The following GNAO1 variants were observed in gnomAD, a reference collection of about 807,000 sequenced individuals.
GNAO1 encodes G protein subunit alpha o1, also known as guanine nucleotide-binding protein G(o) subunit alpha.
For synonymous variants in GNAO1, 164 were observed against 180.7 expected, an observed-to-expected ratio of 0.91 and a Z score of 0.74; for missense variants, 166 against 478.7, an observed-to-expected ratio of 0.35 and a Z score of 6.10.
chr16:56,262,825 G>A (rs2036916271), intron 2 of GNAO1, among the ~76,000 whole-genome samples: 3 of 152,282 alleles, frequency 2.0e-5, no homozygotes, highest in Middle Eastern at 3.4e-3. Context: ...TGCCTCACTC[G>A]TGCCGCTTTT....
At chr16:56,231,096 A>G (rs2036585085) in intron 2 of GNAO1, among the ~76,000 whole-genome samples, 1 of 152,234 alleles carries the variant, frequency 6.6e-6, no homozygotes, top group Non-Finnish European at 1.5e-5. Context: ...ATGAGGATGT[A>G]CAAGTCCCAA....
intron 3 of GNAO1, among the ~76,000 whole-genome samples, chr16:56,318,344 G>T (rs759423568): frequency 1.3e-5 from 2 of 152,236 alleles, no homozygotes; most frequent in African/African-American, 4.8e-5. Flanking sequence ...CCCCCCAGCG[G>T]CTGGGGTCTC....
intron 2 of GNAO1, among the ~76,000 whole-genome samples, chr16:56,226,027 G>A (rs1321056308): frequency 6.6e-6 from 1 of 151,968 alleles, no homozygotes; most frequent in Non-Finnish European, 1.5e-5. Context: ...AGAGCCAGTG[G>A]TGAGCCTGAG....
At chr16:56,193,692 C>T in intron 2 of GNAO1, 1 of 208,170 alleles carries the variant, frequency 4.8e-6, no homozygotes, top group Non-Finnish European at 9.9e-6. Context: ...ATCCACTCGG[C>T]AGTTCCTGGT....
At chr16:56,205,066 T>C (rs1596795367) in intron 2 of GNAO1, among the ~76,000 whole-genome samples, 1 of 152,200 alleles carries the variant, frequency 6.6e-6, no homozygotes, top group Non-Finnish European at 1.5e-5. Context: ...CTAGTGCTAA[T>C]TGAGAAAGAA....
At chr16:56,336,935 C>T (rs1461542331) in intron 6 of GNAO1, 75 bp downstream of exon 6, 1 of 1,442,144 alleles carries the variant, frequency 6.9e-7, no homozygotes, top group Non-Finnish European at 9.4e-7. Flanking sequence ...CCTCTGAGCA[C>T]TGGGCCTCGG....
rs1410457911 is a variant in GNAO1, at chr16:56,326,058, GC to G, written c.304-2571del. 6.6e-6 allele frequency among the ~76,000 whole-genome samples: 1 copy of G among 152,198 alleles called. No homozygotes were observed. Among genetic ancestry groups the G allele is most frequent in the Non-Finnish European group, 1.5e-5 (1 of 68,020 alleles). On this transcript the variant is annotated intron_variant, in intron 3 of 8. Transcript: ENST00000262493. This position sits in a 1 kb window ranked among gnomAD's most constrained non-coding sequence, Gnocchi z 4.8. ...TGGCATCCCACACCTGGTTCCCAGG[GC>G]CTGGCATGGACTGGAAGCTGGCCTG... is the stretch of plus-strand genomic sequence containing the variant.
intron 6 of GNAO1, among the ~76,000 whole-genome samples, chr16:56,342,272 A>G (rs1244860343): frequency 3.9e-5 from 6 of 152,172 alleles, no homozygotes; most frequent in Non-Finnish European, 5.9e-5. Flanking sequence ...CTGCAGTCCT[A>G]GGACACTCCC....
intron 6 of GNAO1, among the ~76,000 whole-genome samples, chr16:56,338,740 G>GGAC (rs1230404693): frequency 1.3e-5 from 2 of 152,256 alleles, no homozygotes; most frequent in East Asian, 3.8e-4. Context: ...TGGAAGCAAG[G>GGAC]GACGTCTGGG....
chr16:56,321,877 G>A (rs1460556698), intron 3 of GNAO1, among the ~76,000 whole-genome samples: 1 of 152,180 alleles, frequency 6.6e-6, no homozygotes, highest in East Asian at 1.9e-4. Flanking sequence ...ATACTCACAG[G>A]CCAGACCTGG....
intron 2 of GNAO1, among the ~76,000 whole-genome samples, chr16:56,225,952 T>C (rs2036529639): frequency 6.6e-6 from 1 of 151,636 alleles, no homozygotes; most frequent in African/African-American, 2.4e-5. Context: ...GGGGCAGCCA[T>C]GGAAAGGTGT....
In GNAO1 at chr16:56,333,309, T is replaced by C. The variant is rs545826285; in HGVS notation, c.465-1420T>C. On this transcript the variant is annotated intron_variant, in intron 4 of 8. Coordinates refer to ENST00000262493, the MANE Select transcript of GNAO1 (RefSeq NM_020988.3). ...CTCACTGCAACCTCCGCCTCCTGGG[T>C]TGAAGCGATTCTCCTGCCTCAGCCT... is the stretch of plus-strand genomic sequence containing the variant. 6.7e-4 allele frequency among the ~76,000 whole-genome samples: 101 copies of C among 151,524 alleles called. 1 individual carries two copies. In the South Asian group the frequency reaches 0.021, roughly 31 times the overall value.
At chr16:56,194,177 C>T (rs1355221280) in intron 2 of GNAO1, 6 of 456,416 alleles carry the variant, frequency 1.3e-5, no homozygotes, top group African/African-American at 1.0e-4. Context: ...CTGGGGCTTT[C>T]TTCGCAGAGC....
chr16:56,322,667 G>A (rs535013593), intron 3 of GNAO1, among the ~76,000 whole-genome samples: 1 of 152,070 alleles, frequency 6.6e-6, no homozygotes, highest in Non-Finnish European at 1.5e-5. Context: ...GGCCTTGTCT[G>A]AGATGTGAAG....
At chr16:56,268,219 C>T (rs2036978194) in intron 2 of GNAO1, among the ~76,000 whole-genome samples, 1 of 152,222 alleles carries the variant, frequency 6.6e-6, no homozygotes, top group Admixed American at 6.5e-5. Context: ...GTCTTCGTGG[C>T]AAAGGAGGCA....
intron 2 of GNAO1, among the ~76,000 whole-genome samples, chr16:56,264,422 TG>T (rs1161764757): frequency 6.6e-6 from 1 of 152,224 alleles, no homozygotes; most frequent in Non-Finnish European, 1.5e-5. Flanking sequence ...GCAGGGTTCA[TG>T]TTGTTTTTCA....
intron 3 of GNAO1, among the ~76,000 whole-genome samples, chr16:56,290,415 G>T (rs543730220): frequency 8.1e-4 from 124 of 152,322 alleles, no homozygotes; most frequent in Non-Finnish European, 1.5e-3. Flanking sequence ...GAAGTCTGCA[G>T]CTAGTCCGTG....
chr16:56,303,830 G>A (rs1288705917), intron 3 of GNAO1, among the ~76,000 whole-genome samples: 10 of 152,062 alleles, frequency 6.6e-5, no homozygotes, highest in Non-Finnish European at 1.2e-4. Context: ...AGCCACTACC[G>A]GTTGGTTGCA....
chr16:56,204,838 C>T (rs536008486), intron 2 of GNAO1, among the ~76,000 whole-genome samples: 1 of 152,128 alleles, frequency 6.6e-6, no homozygotes, highest in Non-Finnish European at 1.5e-5. Flanking sequence ...GGTCCCCAGG[C>T]GAGTTCCTTA....
Sources: allele counts gnomAD v4.1 joint callset (sites outside exome capture counted in the v4.1 genomes callset), GRCh38; gene constraint gnomAD v4.1.1; non-coding constraint Gnocchi (gnomAD v3.1); transcripts MANE v1.5; gene names NCBI Gene and HGNC (gene_info 2026-07-23, HGNC 2026-07-21).